Variants in VANGL2 observed in about 807,000 individuals in gnomAD.
VANGL2 encodes the protein VANGL planar cell polarity protein 2.
VANGL2 carries 14 observed loss-of-function variants against 50.2 expected under a neutral mutation model. The observed-to-expected ratio is 0.28, with a 90% CI of 0.18 to 0.44. VANGL2 has a LOEUF of 0.44. VANGL2 is among the 20% of genes least tolerant of loss of function. The pLI is 1.00. For synonymous variants in VANGL2, 295 were observed against 297.2 expected (o/e 0.99, Z 0.08); for missense variants, 533 against 701.5 (o/e 0.76, Z 2.71).
At chr1:160,420,977 G>A (rs1321890999) in intron 5 of VANGL2, 75 bp from the exon 6 acceptor site, 9 of 1,595,216 alleles carry the variant, frequency 5.6e-6, no homozygotes, top group African/African-American at 1.3e-5. Flanking sequence ...TCAGGCTGCT[G>A]TCTCCAGAGC....
chr1:160,411,160 G>A (rs1650869237), intron 1 of VANGL2, among the ~76,000 whole-genome samples: 1 of 151,728 alleles, frequency 6.6e-6, no homozygotes, highest in African/African-American at 2.4e-5. Context: ...CTCCTCCCTG[G>A]CCTCATTTTA....
At chr1:160,423,953 T>C in intron 6 of VANGL2, 99 bp from the exon 7 acceptor site, 1 of 1,365,388 alleles carries the variant, frequency 7.3e-7, no homozygotes, top group Non-Finnish European at 1.0e-6. Flanking sequence ...CACAAAGGCC[T>C]GACCTCATTC....
At chr1:160,403,161 A>G (rs1650539532) in intron 1 of VANGL2, among the ~76,000 whole-genome samples, 1 of 149,010 alleles carries the variant, frequency 6.7e-6, no homozygotes, top group East Asian at 1.9e-4. Context: ...TTTTTTTTTT[A>G]ATGGATCATT....
chr1:160,423,952 C>T (rs1364617669), intron 6 of VANGL2, 100 bp from the exon 7 acceptor site: 3 of 1,355,830 alleles, frequency 2.2e-6, no homozygotes, highest in Non-Finnish European at 3.2e-6. Context: ...GCACAAAGGC[C>T]TGACCTCATT....
chr1:160,423,579 A>G lies in VANGL2; in HGVS notation c.1074-473A>G, dbSNP rs79140537. Among the ~76,000 whole-genome samples, 6 of 152,078 alleles carry G rather than the reference A, an allele frequency of 3.9e-5. No homozygotes were observed. In the East Asian group the frequency reaches 1.2e-3, roughly 29 times the overall value. ...ATAGAAATTGTAGCAAATTCTTTGC[A>G]TGTTCTAGATCTGAATCCCTTGTTG... On this transcript the variant is annotated intron_variant, in intron 6 of 7. Coordinates refer to ENST00000368061, the MANE Select transcript of VANGL2 (RefSeq NM_020335.3).
At position 160,415,586 on chromosome 1, in the gene VANGL2, T is replaced by C. The variant is rs1651024935; in HGVS notation, c.-190-62T>C. On this transcript the variant is annotated intron_variant, in intron 1 of 7. Coordinates refer to ENST00000368061, the MANE Select transcript of VANGL2 (RefSeq NM_020335.3). ...TGTGGCTGTTGTGTGCAGATGGTCT[T>C]CCTCTGCCCTGACCCCACAGGGAGC... 8 of 542,810 alleles carry C rather than the reference T, an allele frequency of 1.5e-5. No individual in the cohort carries two copies. The Admixed American group carries it at 2.2e-4, about 15-fold the overall frequency. 33.6% of individuals were successfully genotyped at this position (542,810 alleles called of 1,614,324 possible). A position where few individuals can be genotyped will look rare whatever the true frequency, so the allele number is the denominator to read the frequency against.
In VANGL2 at chr1:160,415,949, G is replaced by T. The variant is rs548625770; in HGVS notation, c.71+41G>T. On this transcript the variant is annotated intron_variant, in intron 2 of 7. Transcript: ENST00000368061. ...GGGTGACATGCGTGGCGGAGGGAGGGTTGGGGGCTGTTAAGAGGTGGGCAC... is the reference window on the plus strand; with the variant it reads ...GGGTGACATGCGTGGCGGAGGGAGGTTTGGGGGCTGTTAAGAGGTGGGCAC... 22 of 1,614,192 alleles carry T rather than the reference G, an allele frequency of 1.4e-5. 1 individual carries two copies. In the South Asian group the frequency reaches 2.1e-4, roughly 15 times the overall value.
In VANGL2 at chr1:160,402,887, C is replaced by A. The variant is rs528861845; in HGVS notation, c.-191+2018C>A. Among the ~76,000 whole-genome samples, 15 of 152,174 alleles carry A rather than the reference C, an allele frequency of 9.9e-5. No homozygotes were observed. In the South Asian group the frequency reaches 2.3e-3, roughly 23 times the overall value. Reference sequence around the variant, plus strand: ...GATACTAGCCTTCCCCCATTGCACACTCTTTTTGCTGCCAGTGGCTGGGTT... The same window carrying A: ...GATACTAGCCTTCCCCCATTGCACAATCTTTTTGCTGCCAGTGGCTGGGTT... On this transcript the variant is annotated intron_variant, in intron 1 of 7. Coordinates refer to ENST00000368061, the MANE Select transcript of VANGL2 (RefSeq NM_020335.3).
At chr1:160,410,711 C>T (rs987451099) in intron 1 of VANGL2, among the ~76,000 whole-genome samples, 46 of 152,184 alleles carry the variant, frequency 3.0e-4, no homozygotes, top group African/African-American at 1.1e-3. Flanking sequence ...CACGCACGCA[C>T]GCACTACTCT....
rs1455877553 is a variant in VANGL2 at position 160,427,776 on chromosome 1, TGGGGGTATG to T, written c.*2399_*2407del. Reference sequence around the variant, plus strand: ...GCTGGATCTGCTCATTCTCCTGCTGTGGGGGTATGCCCACCTCTTACCCCCTTGACACCA... The same window carrying T: ...GCTGGATCTGCTCATTCTCCTGCTGTCCCACCTCTTACCCCCTTGACACCA... On this transcript the variant is annotated 3_prime_UTR_variant, in exon 8 of 8. Coordinates refer to ENST00000368061, the MANE Select transcript of VANGL2 (RefSeq NM_020335.3). 2.6e-5 allele frequency: 4 copies of T among 152,628 alleles called. No homozygotes were observed. The highest frequency in any genetic ancestry group is 6.5e-5 in the Admixed American group (1 of 15,268). The allele number at this position is 152,628 out of a possible 1,614,324, so 9.5% of individuals were successfully genotyped here. A position where few individuals can be genotyped will look rare whatever the true frequency, so the allele number is the denominator to read the frequency against.
In VANGL2 at chr1:160,425,612, A is replaced by G. The variant is rs989467664; in HGVS notation, c.*234A>G. The G allele has an allele frequency of 7.9e-5, 43 of 544,026 alleles. No homozygotes were observed. Among genetic ancestry groups the G allele is most frequent in the Non-Finnish European group, 1.2e-4 (38 of 306,584 alleles). The allele number at this position is 544,026 out of a possible 1,614,324, so 33.7% of individuals were successfully genotyped here. A position where few individuals can be genotyped will look rare whatever the true frequency, so the allele number is the denominator to read the frequency against. Reference sequence around the variant, plus strand: ...ACCTGGGAAGGACTCCCACCTCACCAACAACTTTTGTATTACTCTAGGCCC... The same window carrying G: ...ACCTGGGAAGGACTCCCACCTCACCGACAACTTTTGTATTACTCTAGGCCC... On this transcript the variant is annotated 3_prime_UTR_variant, in exon 8 of 8. Transcript: ENST00000368061.
chr1:160,420,484 A>G lies in VANGL2; in HGVS notation c.874A>G (p.Asn292Asp). The G allele has an allele frequency of 6.2e-7, 1 of 1,613,740 alleles. No homozygotes were observed. Among genetic ancestry groups the G allele is most frequent in the African/African-American group, 1.3e-5 (1 of 74,838 alleles). Residue 292 changes from asparagine to aspartate, a missense_variant, in exon 5 of 8, where the codon AAC becomes GAC. Physicochemically the swap from Asn to Asp is conservative, Grantham distance 23. Transcript: ENST00000368061. Reference sequence around the variant, plus strand: ...CCCTGTCTACAACCCTGCCCTCCTCAACCTGCCCAAGTCCGTCCTGGCCAA... The same window carrying G: ...CCCTGTCTACAACCCTGCCCTCCTCGACCTGCCCAAGTCCGTCCTGGCCAA... ...DFPVYNPALL[N>D]LPKSVLAKKV...
intron 1 of VANGL2, among the ~76,000 whole-genome samples, chr1:160,409,252 G>T (rs1005801407): frequency 6.6e-6 from 1 of 152,236 alleles, no homozygotes; most frequent in Non-Finnish European, 1.5e-5. Context: ...GTGTTACTAC[G>T]ATTTTCCAAC....
intron 1 of VANGL2, 105 bp from the exon 2 acceptor site, chr1:160,415,543 G>C (rs1016932199): frequency 2.2e-6 from 1 of 462,176 alleles, no homozygotes; most frequent in African/African-American, 2.0e-5. Flanking sequence ...GGCTATGGCT[G>C]GGCTCATTTG....
chr1:160,401,299 C>A (rs940103793), intron 1 of VANGL2, among the ~76,000 whole-genome samples: 4 of 151,606 alleles, frequency 2.6e-5, no homozygotes, highest in African/African-American at 9.7e-5. Flanking sequence ...GTGCATACAC[C>A]CCTCAGGAGC....
chr1:160,413,266 A>G (rs571265572), intron 1 of VANGL2, among the ~76,000 whole-genome samples: 26 of 150,972 alleles, frequency 1.7e-4, no homozygotes, highest in Non-Finnish European at 3.1e-4. Flanking sequence ...GTAATGATAC[A>G]AAGCAAATCC....
intron 1 of VANGL2, among the ~76,000 whole-genome samples, chr1:160,403,525 C>G (rs1401405620): frequency 2.6e-5 from 4 of 152,166 alleles, no homozygotes; most frequent in Non-Finnish European, 5.9e-5. Context: ...AAATATCCCC[C>G]CTTCCCTGGC....
intron 1 of VANGL2, among the ~76,000 whole-genome samples, chr1:160,409,543 T>C (rs111734265): frequency 6.6e-6 from 1 of 152,202 alleles, no homozygotes; most frequent in Non-Finnish European, 1.5e-5. Flanking sequence ...GGAAGCTGTG[T>C]TGGATGTCTG....
At chr1:160,421,848 C>T (rs1043551068) in intron 6 of VANGL2, among the ~76,000 whole-genome samples, 10 of 152,184 alleles carry the variant, frequency 6.6e-5, no homozygotes, top group African/African-American at 2.4e-4. Context: ...CTAGACTAGC[C>T]TGCCTGCCAG....
Sources: gnomAD v4.1 joint callset for allele counts (sites outside exome capture counted in the v4.1 genomes callset) on GRCh38, gnomAD v4.1.1 for gene constraint, MANE v1.5 for transcripts, NCBI Gene and HGNC (gene_info 2026-07-23, HGNC 2026-07-21) for gene names.